The following RNF4 variants were observed in gnomAD, a reference collection of about 807,000 sequenced individuals.
RNF4 encodes ring finger protein 4, also known as E3 ubiquitin-protein ligase RNF4.
RNF4 carries 7 observed loss-of-function variants against 24.3 expected under a neutral mutation model. The ratio of observed to expected loss-of-function variants is 0.29; its 90% CI spans 0.16 to 0.54. RNF4 has a LOEUF of 0.54. RNF4 is among the 20% of genes least tolerant of loss of function. The pLI, the probability that RNF4 is intolerant of heterozygous loss-of-function variation, is 0.95. For missense variants in RNF4, 209 were observed against 248.5 expected, an observed-to-expected ratio of 0.84 and a Z score of 1.07; for synonymous variants, 83 against 84.3, an observed-to-expected ratio of 0.98 and a Z score of 0.09.
In RNF4 at chr4:2,497,012, G is replaced by A. The variant is rs1481490115; in HGVS notation, c.15G>A (p.Lys5=). ...CTTTCCCCCTTGCTACTCAGAGAAA[G>A]CGTCGTGGTGGAGCAATAAATTCTA... is the stretch of plus-strand genomic sequence containing the variant. MSTR[K]RRGGAINSRQ... The change falls in exon 3 of 8, where the codon AAG becomes AAA. Residue 5 remains lysine, a synonymous_variant. Transcript: ENST00000314289. The A allele has an allele frequency of 1.3e-6, 2 of 1,598,290 alleles. No individual in the cohort carries two copies. Among genetic ancestry groups the A allele is most frequent in the South Asian group, 1.1e-5 (1 of 88,106 alleles).
chr4:2,498,967 C>T (rs780055745), intron 3 of RNF4, among the ~76,000 whole-genome samples: 3 of 152,106 alleles, frequency 2.0e-5, no homozygotes, highest in East Asian at 1.9e-4. Context: ...GAGGCCGAGG[C>T]GTGCAGATCA....
chr4:2,498,627 TG>T (rs1463617584), intron 3 of RNF4, among the ~76,000 whole-genome samples: 2 of 152,210 alleles, frequency 1.3e-5, no homozygotes, highest in African/African-American at 4.8e-5. Context: ...TAAATTATAT[TG>T]TATATGTAAG....
At chr4:2,480,179 C>G (rs1365895844) in intron 1 of RNF4, 1 of 151,982 alleles carries the variant, frequency 6.6e-6, no homozygotes, top group Non-Finnish European at 1.5e-5. Flanking sequence ...CTCCTGGGCT[C>G]AAGCAATCCT....
intron 1 of RNF4, among the ~76,000 whole-genome samples, chr4:2,484,802 C>G (rs760111516): frequency 6.6e-6 from 1 of 152,150 alleles, no homozygotes; most frequent in Non-Finnish European, 1.5e-5. Flanking sequence ...TACCCCGAGC[C>G]TCATGGCTTT....
At chr4:2,490,959 G>A (rs970989488) in intron 2 of RNF4, among the ~76,000 whole-genome samples, 4 of 152,146 alleles carry the variant, frequency 2.6e-5, no homozygotes, top group African/African-American at 7.2e-5. Flanking sequence ...GTGGTGGGGC[G>A]CACCTGTAGT....
In RNF4 at chr4:2,514,347, GC is replaced by G. The variant is rs1476600751; in HGVS notation, c.*530del. 1 of 162,720 alleles carries G rather than the reference GC, an allele frequency of 6.1e-6. No homozygotes were observed. Among genetic ancestry groups the G allele is most frequent in the Non-Finnish European group, 1.4e-5 (1 of 73,098 alleles). 10.1% of individuals were successfully genotyped at this position (162,720 alleles called of 1,614,324 possible). Reference sequence around the variant, plus strand: ...AGAGTCAGAGGTCACCCGTGATTCTGCCTGCACCTTATCATTGATCTGCAGT... The same window carrying G: ...AGAGTCAGAGGTCACCCGTGATTCTGCTGCACCTTATCATTGATCTGCAGT... On this transcript the variant is annotated 3_prime_UTR_variant, in exon 8 of 8. Transcript: ENST00000314289.
chr4:2,478,980 C>T (rs1165861205), intron 1 of RNF4, among the ~76,000 whole-genome samples: 1 of 152,248 alleles, frequency 6.6e-6, no homozygotes, highest in East Asian at 1.9e-4. Flanking sequence ...AGGCTGTACT[C>T]TGCAAAGCCA....
In RNF4 at chr4:2,496,893, A is replaced by C. The variant is rs1455514600; in HGVS notation, c.10-114A>C. ...AGTTTTGAAAGGAGCCCTAACTTCA[A>C]GTCTACTCGCTGGCTTCTTAATGAA... On this transcript the variant is annotated intron_variant, in intron 2 of 7. Coordinates refer to ENST00000314289, the MANE Select transcript of RNF4 (RefSeq NM_002938.5). 4 of 692,310 alleles carry C rather than the reference A, an allele frequency of 5.8e-6. No homozygotes were observed. In the East Asian group the frequency reaches 8.4e-5, roughly 15 times the overall value. The allele number at this position is 692,310 out of a possible 1,614,324, so 42.9% of individuals were successfully genotyped here. A position where few individuals can be genotyped will look rare whatever the true frequency, so the allele number is the denominator to read the frequency against.
chr4:2,502,360 C>T (rs1212022569), intron 4 of RNF4, among the ~76,000 whole-genome samples: 1 of 152,118 alleles, frequency 6.6e-6, no homozygotes, highest in African/African-American at 2.4e-5. Flanking sequence ...CATCATTTCC[C>T]CTTTCACACT....
At chr4:2,478,196 A>C (rs1735137901) in intron 1 of RNF4, among the ~76,000 whole-genome samples, 1 of 152,256 alleles carries the variant, frequency 6.6e-6, no homozygotes, top group Admixed American at 6.5e-5. Flanking sequence ...TAAGCAGCAA[A>C]GCATTCAAGA....
intron 1 of RNF4, among the ~76,000 whole-genome samples, chr4:2,486,945 A>G (rs555860923): frequency 1.3e-5 from 2 of 152,340 alleles, no homozygotes; most frequent in African/African-American, 4.8e-5. Flanking sequence ...ATTCGTGGAT[A>G]TGAGAACCCA....
At position 2,490,393 on chromosome 4, in the gene RNF4, T is replaced by C. The variant is rs570344230; in HGVS notation, c.-101T>C. 67 of 1,191,712 alleles carry C rather than the reference T, an allele frequency of 5.6e-5. No homozygotes were observed. The highest frequency in any genetic ancestry group is 7.7e-5 in the Non-Finnish European group (64 of 828,174). The allele number at this position is 1,191,712 out of a possible 1,614,324, so 73.8% of individuals were successfully genotyped here. ...CAAATTATTTTGCAAGCCAGATGAG[T>C]AACCAGAGGGCATGAAAGGTTGAGA... is the stretch of plus-strand genomic sequence containing the variant. On this transcript the variant is annotated 5_prime_UTR_variant, in exon 2 of 8. Transcript: ENST00000314289.
intron 4 of RNF4, among the ~76,000 whole-genome samples, chr4:2,506,862 G>T (rs1736117211): frequency 6.6e-6 from 1 of 152,166 alleles, no homozygotes; most frequent in African/African-American, 2.4e-5. Flanking sequence ...GAGCCACTGA[G>T]CCTGACCTTG....
At chr4:2,500,905 A>G (rs1416834119) in intron 4 of RNF4, among the ~76,000 whole-genome samples, 167 bp downstream of exon 4, 1 of 152,148 alleles carries the variant, frequency 6.6e-6, no homozygotes, top group African/African-American at 2.4e-5. Flanking sequence ...AAACAGTAAC[A>G]ATAATAATAA....
chr4:2,472,947 G>A (rs572927670), intron 1 of RNF4, among the ~76,000 whole-genome samples: 1 of 152,204 alleles, frequency 6.6e-6, no homozygotes, highest in South Asian at 2.1e-4. Context: ...GGCTGAGGCA[G>A]GAGAATGGTG....
At chr4:2,507,410 C>T (rs994542017) in intron 4 of RNF4, among the ~76,000 whole-genome samples, 1 of 152,336 alleles carries the variant, frequency 6.6e-6, no homozygotes, top group African/African-American at 2.4e-5. Context: ...CACCAGTCTT[C>T]CCGACTTTCC....
chr4:2,469,862 C>G (rs558089437), intron 1 of RNF4: 2 of 152,522 alleles, frequency 1.3e-5, no homozygotes, highest in South Asian at 2.1e-4. Context: ...GTGGAACGTG[C>G]GACTGTGAGG....
At chr4:2,477,521 A>G (rs1392928108) in intron 1 of RNF4, among the ~76,000 whole-genome samples, 4 of 152,018 alleles carry the variant, frequency 2.6e-5, no homozygotes, top group Non-Finnish European at 5.9e-5. Context: ...GGAGGTGGAG[A>G]TTACAGTGAG....
At position 2,508,491 on chromosome 4, in the gene RNF4, T is replaced by G. The variant is rs866205375; in HGVS notation, c.205-3465T>G. On this transcript the variant is annotated intron_variant, in intron 4 of 7. Coordinates refer to ENST00000314289, the MANE Select transcript of RNF4 (RefSeq NM_002938.5). ...AATTTGATGTGACTCGGCCACTGGGTGGAGGGAACACCAGTAATCAATACT... is the reference window on the plus strand; with the variant it reads ...AATTTGATGTGACTCGGCCACTGGGGGGAGGGAACACCAGTAATCAATACT... 3.3e-5 allele frequency among the ~76,000 whole-genome samples: 5 copies of G among 152,332 alleles called. No homozygotes were observed. In the Middle Eastern group the frequency reaches 0.01, roughly 311 times the overall value.
Sources: allele counts gnomAD v4.1 joint callset (sites outside exome capture counted in the v4.1 genomes callset), GRCh38; gene constraint gnomAD v4.1.1; transcripts MANE v1.5; gene names NCBI Gene and HGNC (gene_info 2026-07-23, HGNC 2026-07-21).